ROBO1: variants seen among roughly 807,000 people sequenced by gnomAD.
The protein encoded by ROBO1 is roundabout homolog 1.
Under a neutral mutation model 195.9 loss-of-function variants are expected in ROBO1, and 149 were observed. The observed-to-expected ratio is 0.76, with a 90% CI of 0.67 to 0.87. The LOEUF (loss-of-function observed/expected upper bound fraction) is 0.87. Ranked by LOEUF, ROBO1 falls within the 40% of genes least tolerant of loss-of-function variation. The probability of loss-of-function intolerance (pLI) is 0.00; values close to 1 mark genes in which losing one functional copy is unlikely to be tolerated. For synonymous variants in ROBO1, 816 were observed against 733.2 expected (o/e 1.11, Z -1.82); for missense variants, 1,933 against 2,068.3 (o/e 0.93, Z 1.27).
intron 2 of ROBO1, among the ~76,000 whole-genome samples, chr3:79,543,164 A>C (rs1477906969): frequency 5.9e-5 from 9 of 152,096 alleles, no homozygotes; most frequent in Non-Finnish European, 1.0e-4. Context: ...CTCCCAAGTA[A>C]TTATGAACTA....
chr3:78,777,754 T>C (rs1297564861), intron 4 of ROBO1, among the ~76,000 whole-genome samples: 1 of 152,190 alleles, frequency 6.6e-6, no homozygotes, highest in Non-Finnish European at 1.5e-5. Flanking sequence ...AGGAAATATA[T>C]AAATATACAA....
chr3:78,756,954 C>T (rs1425402712), intron 4 of ROBO1, among the ~76,000 whole-genome samples: 1 of 152,128 alleles, frequency 6.6e-6, no homozygotes, highest in Non-Finnish European at 1.5e-5. Flanking sequence ...GCACAATCCA[C>T]AATCTCAACT....
At chr3:79,045,897 T>C (rs897111077) in intron 3 of ROBO1, among the ~76,000 whole-genome samples, 1 of 152,128 alleles carries the variant, frequency 6.6e-6, no homozygotes, top group Non-Finnish European at 1.5e-5. Flanking sequence ...GAAAAAGTTA[T>C]TTTTTCACGA....
chr3:79,733,067 C>A (rs2107366629), intron 1 of ROBO1, among the ~76,000 whole-genome samples: 1 of 152,312 alleles, frequency 6.6e-6, no homozygotes, highest in South Asian at 2.1e-4. Context: ...AATCTTCCAT[C>A]AAATTACTTG....
chr3:78,658,383 C>T (rs1318579096), intron 17 of ROBO1, among the ~76,000 whole-genome samples: 18 of 152,282 alleles, frequency 1.2e-4, no homozygotes, highest in Admixed American at 3.3e-4. Flanking sequence ...CTCCACCTCC[C>T]GGGTTCCAGT....
At chr3:79,027,463 T>C (rs1008617506) in intron 3 of ROBO1, among the ~76,000 whole-genome samples, 7 of 152,018 alleles carry the variant, frequency 4.6e-5, no homozygotes, top group African/African-American at 9.7e-5. Flanking sequence ...AGCAGCCAAA[T>C]TGGGCCTTTG....
intron 2 of ROBO1, among the ~76,000 whole-genome samples, chr3:79,238,144 T>C (rs2082448807): frequency 6.6e-6 from 1 of 152,208 alleles, no homozygotes; most frequent in Non-Finnish European, 1.5e-5. Context: ...TATGAAGCCA[T>C]GTAAAAATAC....
intron 4 of ROBO1, among the ~76,000 whole-genome samples, chr3:78,823,090 T>C (rs1380944243): frequency 6.6e-6 from 1 of 152,222 alleles, no homozygotes; most frequent in Non-Finnish European, 1.5e-5. Context: ...AATGCTGCTG[T>C]CTTTAATCAA....
At chr3:78,885,910 TA>T (rs2036534074) in intron 4 of ROBO1, among the ~76,000 whole-genome samples, 1 of 17,108 alleles carries the variant, frequency 5.8e-5, no homozygotes, top group African/African-American at 3.0e-4. Flanking sequence ...AGCAAAATTT[TA>T]TATATATATA....
intron 3 of ROBO1, among the ~76,000 whole-genome samples, chr3:79,060,668 A>G (rs2078900094): frequency 6.6e-6 from 1 of 152,110 alleles, no homozygotes; most frequent in African/African-American, 2.4e-5. Context: ...AGTTGGCTTT[A>G]TCCCTGGGAT....
chr3:79,158,061 T>G (rs564591717), intron 2 of ROBO1, among the ~76,000 whole-genome samples: 2 of 151,966 alleles, frequency 1.3e-5, no homozygotes, highest in South Asian at 4.1e-4. Flanking sequence ...TTTAATTTCA[T>G]AAAAGAAAAG....
intron 1 of ROBO1, among the ~76,000 whole-genome samples, chr3:79,614,521 T>C (rs1944760670): frequency 1.3e-5 from 2 of 152,112 alleles, no homozygotes; most frequent in Admixed American, 1.3e-4. Context: ...CGATGCCTCA[T>C]GATATTTGGT....
chr3:78,833,085 T>C (rs1447773898), intron 4 of ROBO1, among the ~76,000 whole-genome samples: 3 of 152,074 alleles, frequency 2.0e-5, no homozygotes, highest in East Asian at 1.9e-4. Context: ...TGTGGTCAGA[T>C]TTCCATTCTA....
intron 4 of ROBO1, among the ~76,000 whole-genome samples, chr3:78,930,653 A>G (rs148776035): frequency 0.012 from 1,790 of 152,246 alleles, 40 homozygotes; most frequent in African/African-American, 0.041. Context: ...CAAAATCTCA[A>G]CTTCTACTAT....
chr3:79,752,171 T>C (rs2107479967), intron 1 of ROBO1, among the ~76,000 whole-genome samples: 1 of 152,186 alleles, frequency 6.6e-6, no homozygotes, highest in South Asian at 2.1e-4. Flanking sequence ...GCAGAAATAG[T>C]GGATTTGTGT....
At chr3:79,354,816 A>G (rs2035479546) in intron 2 of ROBO1, among the ~76,000 whole-genome samples, 1 of 152,206 alleles carries the variant, frequency 6.6e-6, no homozygotes, top group Non-Finnish European at 1.5e-5. Context: ...AGAAAAAATA[A>G]TAACACGTCA....
In ROBO1 at chr3:78,597,515, C is replaced by T. The variant is rs1045747163; in HGVS notation, c.*1398G>A. 2.6e-5 allele frequency: 4 copies of T among 152,358 alleles called. No homozygotes were observed. Among genetic ancestry groups the T allele is most frequent in the Non-Finnish European group, 4.4e-5 (3 of 67,974 alleles). The allele number at this position is 152,358 out of a possible 1,614,324, so 9.4% of individuals were successfully genotyped here. A position where few individuals can be genotyped will look rare whatever the true frequency, so the allele number is the denominator to read the frequency against. Reference sequence around the variant, plus strand: ...TTTTCCACTGGGGTCAGACCTGATACTTATCTATCTATGAATAAATGTACA... The same window carrying T: ...TTTTCCACTGGGGTCAGACCTGATATTTATCTATCTATGAATAAATGTACA... On this transcript the variant is annotated 3_prime_UTR_variant, in exon 31 of 31. Coordinates refer to ENST00000464233, the MANE Select transcript of ROBO1 (RefSeq NM_002941.4).
At chr3:78,602,815 T>A (rs562439595) in intron 29 of ROBO1, among the ~76,000 whole-genome samples, 3 of 152,274 alleles carry the variant, frequency 2.0e-5, no homozygotes, top group Non-Finnish European at 4.4e-5. Flanking sequence ...AACATTGACC[T>A]CACAATGCTC....
At chr3:79,576,157 A>C (rs575875361) in intron 2 of ROBO1, among the ~76,000 whole-genome samples, 3 of 151,990 alleles carry the variant, frequency 2.0e-5, no homozygotes, top group Non-Finnish European at 2.9e-5. Flanking sequence ...GGTTAAATAC[A>C]GTATGTAAGA....
Sources: allele counts gnomAD v4.1 joint callset (sites outside exome capture counted in the v4.1 genomes callset), GRCh38; gene constraint gnomAD v4.1.1; transcripts MANE v1.5; gene names NCBI Gene and HGNC (gene_info 2026-07-23, HGNC 2026-07-21).